ERBB4: variants seen among roughly 807,000 people sequenced by gnomAD.
ERBB4 encodes erb-b2 receptor tyrosine kinase 4.
Under a neutral mutation model 158.0 loss-of-function variants are expected in ERBB4, and 42 were observed. The ratio of observed to expected loss-of-function variants is 0.27; its 90% CI spans 0.21 to 0.34. ERBB4 has a LOEUF of 0.34. Ranked by LOEUF, ERBB4 falls within the 10% of genes least tolerant of loss-of-function variation. ERBB4 has a pLI of 1.00. For missense variants in ERBB4, 1,333 were observed against 1,624.1 expected (o/e 0.82, Z 3.08); for synonymous variants, 583 against 558.7 (o/e 1.04, Z -0.61).
At chr2:212,392,998 A>G (rs1333237114) in intron 1 of ERBB4, among the ~76,000 whole-genome samples, 1 of 152,044 alleles carries the variant, frequency 6.6e-6, no homozygotes, top group African/African-American at 2.4e-5. Flanking sequence ...CAGAGAAAGC[A>G]GTAAGATAAC....
intron 19 of ERBB4, among the ~76,000 whole-genome samples, chr2:211,610,655 C>T (rs1018130763): frequency 2.0e-5 from 3 of 152,088 alleles, no homozygotes; most frequent in African/African-American, 7.2e-5. Flanking sequence ...TCTTTCAGCC[C>T]TATGTGGCAT....
rs2062722193 is a variant in ERBB4, at chr2:211,387,971, G to C, written c.3157C>G (p.Pro1053Ala). 5.0e-6 allele frequency: 8 copies of C among 1,608,478 alleles called. No individual in the cohort carries two copies. Among genetic ancestry groups the C allele is most frequent in the South Asian group, 1.1e-5 (1 of 90,944 alleles). Residue 1053 changes from proline to alanine, a missense_variant, in exon 26 of 28, where the codon CCT (proline) becomes GCT (alanine). Physicochemically the swap from Pro to Ala is conservative, Grantham distance 27. This residue lies in a region of ERBB4 where 252 missense variants were observed against 241.3 expected (regional missense o/e 1.04). Coordinates refer to ENST00000342788, the MANE Select transcript of ERBB4 (RefSeq NM_005235.3). Reference sequence around the variant, plus strand: ...CCTGACATGGGGGTGTAGGCAGGAGGAGGGCTGTGTCCAATTTCACTCTAA... The same window carrying C: ...CCTGACATGGGGGTGTAGGCAGGAGCAGGGCTGTGTCCAATTTCACTCTAA... Reference protein sequence around the residue: ...SNRSEIGHSPPPAYTPMSGNQ... With the variant: ...SNRSEIGHSPAPAYTPMSGNQ...
intron 20 of ERBB4, among the ~76,000 whole-genome samples, chr2:211,515,896 T>TTTTATATATATATATATATATATA (rs1394844699): frequency 1.5e-4 from 13 of 88,938 alleles, no homozygotes; most frequent in Non-Finnish European, 1.7e-4. Flanking sequence ...AAAACATATA[T>TTTTATATATATATATATATATATA]TATATATATA....
rs2086789043 is a variant in ERBB4, at chr2:212,305,790, T to C, written c.83-180887A>G. Among the ~76,000 whole-genome samples, 4 of 151,416 alleles carry C rather than the reference T, an allele frequency of 2.6e-5. No homozygotes were observed. The South Asian group carries it at 8.3e-4, about 31-fold the overall frequency. ...ACAACATTTACATAATTATAGATCA[T>C]GTTCCTAATCATGTCCCTGTACATT... On this transcript the variant is annotated intron_variant, in intron 1 of 27. Coordinates refer to ENST00000342788, the MANE Select transcript of ERBB4 (RefSeq NM_005235.3).
At chr2:212,224,756 C>G (rs1282840288) in intron 1 of ERBB4, among the ~76,000 whole-genome samples, 1 of 151,914 alleles carries the variant, frequency 6.6e-6, no homozygotes, top group East Asian at 1.9e-4. Context: ...CTACTCTCTT[C>G]TAATGTGAAT....
chr2:211,422,199 T>C (rs1477733583), intron 23 of ERBB4, 95 bp from the exon 24 acceptor site: 1 of 833,202 alleles, frequency 1.2e-6, no homozygotes, highest in African/African-American at 1.7e-5. Context: ...GTTTGAAAAA[T>C]GTTGTTTTAA....
Position 211,580,859 on chromosome 2 carries a change from GCATATACATATATATATA to G in ERBB4, c.2302-18789_2302-18772del, listed in dbSNP as rs1368053884. Among the ~76,000 whole-genome samples the G allele has an allele frequency of 4.7e-4, 31 of 66,040 alleles. 1 individual carries two copies. The highest frequency in any genetic ancestry group is 2.2e-3 in the African/African-American group (31 of 14,418). The allele number at this position is 66,040 out of a possible 152,430, so 43.3% of individuals were successfully genotyped here. ...AGATTATATATTATATATATAGTAT[GCATATACATATATATATA>G]TATATATATATATATATATATATAT... On this transcript the variant is annotated intron_variant, in intron 19 of 27. Coordinates refer to ENST00000342788, the MANE Select transcript of ERBB4 (RefSeq NM_005235.3).
At chr2:212,447,554 T>C (rs73079465) in intron 1 of ERBB4, among the ~76,000 whole-genome samples, 2,703 of 152,250 alleles carry the variant, frequency 0.018, 70 homozygotes, top group African/African-American at 0.06. Context: ...TAATAGTTAG[T>C]GTCCATCCTG....
In ERBB4 at chr2:211,947,635, T is replaced by G. The variant is rs2080739601; in HGVS notation, c.235-19A>C. On this transcript the variant is annotated intron_variant, in intron 2 of 27. Transcript: ENST00000342788. ...GAACAGACTGAAAAGACACAAACAG[T>G]TGCCTGTGTTATAAAACGAATTTGT... The G allele has an allele frequency of 2.5e-6, 4 of 1,609,152 alleles. No individual in the cohort carries two copies. The highest frequency in any genetic ancestry group is 2.2e-5 in the East Asian group (1 of 44,728).
rs147741499 is a variant in ERBB4, at chr2:212,357,681, A to G, written c.82+180768T>C. On this transcript the variant is annotated intron_variant, in intron 1 of 27. Coordinates refer to ENST00000342788, the MANE Select transcript of ERBB4 (RefSeq NM_005235.3). ...TGACTAACCTCCTTCGATCTGTTTT[A>G]ACACTGTAGAGTGCAGAAACGTAGC... 2.9e-3 allele frequency among the ~76,000 whole-genome samples: 435 copies of G among 151,816 alleles called. 1 individual carries two copies. Among genetic ancestry groups the G allele is most frequent in the Admixed American group, 6.7e-3 (102 of 15,172 alleles).
At chr2:211,557,568 C>A (rs1361726360) in intron 20 of ERBB4, among the ~76,000 whole-genome samples, 1 of 151,734 alleles carries the variant, frequency 6.6e-6, no homozygotes, top group African/African-American at 2.4e-5. Flanking sequence ...AAAAAGATAC[C>A]ATTTCACACC....
intron 3 of ERBB4, among the ~76,000 whole-genome samples, chr2:211,929,234 AGTGTGTGTGTGTGT>A (rs10542155): frequency 2.0e-5 from 3 of 148,358 alleles, no homozygotes; most frequent in South Asian, 2.1e-4. Flanking sequence ...CTTTGGAATA[AGTGTGTGTGTGTGT>A]GTGTGTGTGT....
At chr2:211,738,914 C>T (rs1024564491) in intron 5 of ERBB4, among the ~76,000 whole-genome samples, 3 of 152,148 alleles carry the variant, frequency 2.0e-5, no homozygotes, top group African/African-American at 7.2e-5. Flanking sequence ...GCTGGGATTA[C>T]AGGCATGAAC....
intron 1 of ERBB4, among the ~76,000 whole-genome samples, chr2:212,159,894 A>C (rs1484567192): frequency 6.6e-6 from 1 of 152,022 alleles, no homozygotes; most frequent in Non-Finnish European, 1.5e-5. Context: ...TAATTACTCT[A>C]TAAAACTGAC....
At chr2:211,917,944 G>C (rs113481251) in intron 3 of ERBB4, among the ~76,000 whole-genome samples, 26 of 152,216 alleles carry the variant, frequency 1.7e-4, no homozygotes, top group African/African-American at 4.8e-4. Flanking sequence ...GAGTCCACTG[G>C]GGGAACCATG....
intron 1 of ERBB4, among the ~76,000 whole-genome samples, chr2:212,507,877 T>A (rs1444539594): frequency 6.6e-6 from 1 of 152,198 alleles, no homozygotes; most frequent in East Asian, 1.9e-4. Context: ...GATTCCAACT[T>A]TGAAAAGAGT....
chr2:212,420,597 A>T (rs2091770071), intron 1 of ERBB4, among the ~76,000 whole-genome samples: 1 of 152,112 alleles, frequency 6.6e-6, no homozygotes, highest in Non-Finnish European at 1.5e-5. Context: ...TTTTCAGAAA[A>T]GGTTTTTGCT....
intron 1 of ERBB4, among the ~76,000 whole-genome samples, chr2:212,175,527 T>C (rs542205641): frequency 6.6e-6 from 1 of 152,014 alleles, no homozygotes; most frequent in South Asian, 2.1e-4. Context: ...TTTCAAAATA[T>C]TTGGGTCCCA....
chr2:212,343,116 C>T (rs982885964), intron 1 of ERBB4, among the ~76,000 whole-genome samples: 13 of 152,176 alleles, frequency 8.5e-5, no homozygotes, highest in Non-Finnish European at 1.2e-4. Flanking sequence ...GCCTGGTCAT[C>T]AATGAACATA....
Sources: allele counts gnomAD v4.1 joint callset (sites outside exome capture counted in the v4.1 genomes callset), GRCh38; gene constraint gnomAD v4.1.1; regional missense constraint gnomAD v4.1.1; transcripts MANE v1.5; gene names NCBI Gene and HGNC (gene_info 2026-07-23, HGNC 2026-07-21).